The following CLTA variants were observed in gnomAD, a reference collection of about 807,000 sequenced individuals.
The protein encoded by CLTA is clathrin, light polypeptide (Lca).
A neutral mutation model predicts 26.9 loss-of-function variants in CLTA; 9 were observed. The ratio of observed to expected loss-of-function variants is 0.33; its 90% confidence interval spans 0.20 to 0.58. The LOEUF (loss-of-function observed/expected upper bound fraction) is 0.58, where lower values mean the gene tolerates loss of function less well. Among genes scored for constraint, CLTA ranks in the 20% least tolerant of loss-of-function variants. The pLI is 0.85. For missense variants in CLTA, 278 were observed against 294.2 expected, an observed-to-expected ratio of 0.94 and a Z score of 0.40; for synonymous variants, 120 against 115.5, an observed-to-expected ratio of 1.04 and a Z score of -0.25.
intron 2 of CLTA, 131 bp from the exon 3 acceptor site, chr9:36,198,848 T>A (rs2772223): frequency 3.7e-6 from 2 of 542,140 alleles, no homozygotes; most frequent in Non-Finnish European, 6.7e-6. Flanking sequence ...ACTCCAGCCT[T>A]GGCGACAAGA....
chr9:36,199,177 C>T (rs1305885528), intron 3 of CLTA, 81 bp downstream of exon 3: 5 of 892,614 alleles, frequency 5.6e-6, no homozygotes, highest in Non-Finnish European at 7.6e-6. Flanking sequence ...CTTTTTAGCT[C>T]ACATTAACCA....
At chr9:36,190,875 G>C (rs536920389), upstream of CLTA, 49 of 993,376 alleles carry the variant, frequency 4.9e-5, no homozygotes, top group South Asian at 8.9e-4. Context: ...TTCCCTTTTC[G>C]GCTCTGCAAC....
intron 4 of CLTA, among the ~76,000 whole-genome samples, chr9:36,206,149 G>A (rs1404033795): frequency 6.6e-6 from 1 of 152,144 alleles, no homozygotes; most frequent in Non-Finnish European, 1.5e-5. Flanking sequence ...ACTTGGAACT[G>A]TAGAATGCTG....
At chr9:36,199,139 G>A (rs749671513) in intron 3 of CLTA, 43 bp downstream of exon 3, 1 of 1,245,122 alleles carries the variant, frequency 8.0e-7, no homozygotes, top group Non-Finnish European at 1.2e-6. Context: ...TTTCAGTGGA[G>A]TAGTTGAGCT....
At chr9:36,196,078 C>T (rs1010182429) in intron 1 of CLTA, among the ~76,000 whole-genome samples, 1 of 152,002 alleles carries the variant, frequency 6.6e-6, no homozygotes, top group Admixed American at 6.5e-5. Context: ...GAGTTCGAGA[C>T]CATCCTGGCC....
At position 36,204,143 on chromosome 9, in the gene CLTA, A is replaced by G; in HGVS notation, c.449A>G (p.Gln150Arg). ...IKELEEWYAR[Q>R]DEQLQKTKAN... ...GAGCTAGAAGAATGGTATGCAAGAC[A>G]GGACGAGCAGCTACAGAAAACAAAA... The change falls in exon 4 of 5, where the codon CAG becomes CGG. Residue 150 changes from glutamine (Q) to arginine (R), a missense_variant. Transcript: ENST00000345519. 6.2e-7 allele frequency: 1 copy of G among 1,614,172 alleles called. No homozygotes were observed. Among genetic ancestry groups the G allele is most frequent in the Non-Finnish European group, 8.5e-7 (1 of 1,179,988 alleles).
rs570993307 is a variant in CLTA, at chr9:36,196,785, G to A, written c.218-766G>A. Reference sequence around the variant, plus strand: ...GCTTAAAAAACTACATAGGTAGGTGGCACATGCCTTAAAGTGGTAAAAGGC... The same window carrying A: ...GCTTAAAAAACTACATAGGTAGGTGACACATGCCTTAAAGTGGTAAAAGGC... On this transcript the variant is annotated intron_variant, in intron 1 of 4. Transcript: ENST00000345519. 5.9e-5 allele frequency among the ~76,000 whole-genome samples: 9 copies of A among 152,254 alleles called. No individual in the cohort carries two copies. The South Asian group carries it at 1.9e-3, about 32-fold the overall frequency.
At chr9:36,208,537 A>G (rs1587247631) in intron 4 of CLTA, among the ~76,000 whole-genome samples, 1 of 152,074 alleles carries the variant, frequency 6.6e-6, no homozygotes, top group African/African-American at 2.4e-5. Flanking sequence ...CAGACCACTC[A>G]CCTCCAGCCG....
At chr9:36,203,800 A>G (rs1827561671) in intron 3 of CLTA, among the ~76,000 whole-genome samples, 1 of 152,206 alleles carries the variant, frequency 6.6e-6, no homozygotes, top group African/African-American at 2.4e-5. Flanking sequence ...AACAAAACTA[A>G]TGACCCACTA....
chr9:36,197,647 T>A, intron 2 of CLTA, 59 bp downstream of exon 2: 1 of 1,351,090 alleles, frequency 7.4e-7, no homozygotes, highest in African/African-American at 1.4e-5. Context: ...TTTCCTGTGA[T>A]TTTAATTGAC....
chr9:36,209,144 C>G (rs975131029), intron 4 of CLTA: 2 of 1,209,668 alleles, frequency 1.7e-6, no homozygotes, highest in African/African-American at 3.0e-5. Flanking sequence ...TAGGAAGGAG[C>G]CTTGGGAGCA....
intron 3 of CLTA, among the ~76,000 whole-genome samples, chr9:36,199,893 G>A (rs532253094): frequency 4.6e-5 from 7 of 152,332 alleles, no homozygotes; most frequent in African/African-American, 1.4e-4. Flanking sequence ...TAAGAAAAGT[G>A]GAGGAGAGGT....
intron 3 of CLTA, among the ~76,000 whole-genome samples, chr9:36,202,378 G>T (rs1000917050): frequency 6.6e-6 from 1 of 151,942 alleles, no homozygotes; most frequent in South Asian, 2.1e-4. Flanking sequence ...ATCCCTTCTA[G>T]TAGTTACTTG....
intron 1 of CLTA, among the ~76,000 whole-genome samples, chr9:36,194,303 A>G (rs772823630): frequency 6.6e-6 from 1 of 152,252 alleles, no homozygotes; most frequent in Admixed American, 6.5e-5. Flanking sequence ...CTGGAATTAC[A>G]GGTGTGAACC....
chr9:36,209,428 A>G lies in CLTA; in HGVS notation c.486-2175A>G, dbSNP rs75649380. Reference sequence around the variant, plus strand: ...TTGCTTTGCTTTTTAAATTATTTCAAATTGGCACTTTGGGGGCTGCCTAAG... The same window carrying G: ...TTGCTTTGCTTTTTAAATTATTTCAGATTGGCACTTTGGGGGCTGCCTAAG... On this transcript the variant is annotated intron_variant, in intron 4 of 4. Coordinates refer to ENST00000345519, the MANE Select transcript of CLTA (RefSeq NM_001833.4). 11 of 897,076 alleles carry G rather than the reference A, an allele frequency of 1.2e-5. No homozygotes were observed. The African/African-American group carries it at 1.7e-4, about 14-fold the overall frequency. 55.6% of individuals were successfully genotyped at this position (897,076 alleles called of 1,614,324 possible).
At chr9:36,205,521 T>A (rs1827665987) in intron 4 of CLTA, among the ~76,000 whole-genome samples, 1 of 152,130 alleles carries the variant, frequency 6.6e-6, no homozygotes, top group Non-Finnish European at 1.5e-5. Flanking sequence ...TCCCCCAGCC[T>A]GCGACCCCAG....
chr9:36,204,123 A>G lies in CLTA; in HGVS notation c.429A>G (p.Leu143=), dbSNP rs367693720. Residue 143 remains leucine (L), a synonymous_variant, in exon 4 of 5, where the codon CTA becomes CTG. Transcript: ENST00000345519. ...GGAAAGAAAAGGCAATAAAGGAGCT[A>G]GAAGAATGGTATGCAAGACAGGACG... ...AEWKEKAIKE[L]EEWYARQDEQ... 25 of 1,614,080 alleles carry G rather than the reference A, an allele frequency of 1.5e-5. No homozygotes were observed. Among genetic ancestry groups the G allele is most frequent in the Non-Finnish European group, 1.9e-5 (23 of 1,180,014 alleles).
At chr9:36,204,438 G>A (rs1827601292) in intron 4 of CLTA, among the ~76,000 whole-genome samples, 1 of 152,172 alleles carries the variant, frequency 6.6e-6, no homozygotes, top group East Asian at 1.9e-4. Context: ...GTGTGATTCA[G>A]CCAAGGGAAA....
chr9:36,209,570 CAAA>C, intron 4 of CLTA, among the ~76,000 whole-genome samples: 2 of 152,132 alleles, frequency 1.3e-5, no homozygotes, highest in African/African-American at 2.4e-5. Flanking sequence ...AACTCGCTTT[CAAA>C]ATGTGTCATT....
Sources: allele counts gnomAD v4.1 joint callset (sites outside exome capture counted in the v4.1 genomes callset), GRCh38; gene constraint gnomAD v4.1.1; transcripts MANE v1.5; gene names NCBI Gene and HGNC (gene_info 2026-07-23, HGNC 2026-07-21).